The following LMO7 variants were observed in gnomAD, a reference collection of about 807,000 sequenced individuals.
LMO7 encodes the protein LIM domain only protein 7.
In LMO7, 120 loss-of-function variants were observed where a neutral mutation model predicts 206.5. The observed-to-expected ratio is 0.58, with a 90% CI of 0.50 to 0.68. The LOEUF is 0.68. Among genes scored for constraint, LMO7 ranks in the 30% least tolerant of loss-of-function variants. LMO7 has a pLI of 0.00. For synonymous variants in LMO7, 706 were observed against 681.5 expected (o/e 1.04, Z -0.56); for missense variants, 1,959 against 1,957.9 (o/e 1.00, Z -0.01).
intron 1 of LMO7, among the ~76,000 whole-genome samples, chr13:75,664,994 G>A (rs371500002): frequency 6.6e-6 from 1 of 152,112 alleles, no homozygotes; most frequent in East Asian, 1.9e-4. Flanking sequence ...AGCCTTAAAG[G>A]TGGTAAAAAT....
intron 22 of LMO7, 137 bp from the exon 23 acceptor site, chr13:75,840,972 G>T (rs2059516027): frequency 1.6e-6 from 1 of 621,892 alleles, no homozygotes; most frequent in Non-Finnish European, 2.8e-6. Context: ...ACTAAAATCT[G>T]ATTGGCTTAT....
At chr13:75,681,710 A>ATATATATT (rs1566304681) in intron 1 of LMO7, among the ~76,000 whole-genome samples, 1 of 107,080 alleles carries the variant, frequency 9.3e-6, no homozygotes, top group East Asian at 2.2e-4. Flanking sequence ...GTATGTGTAT[A>ATATATATT]TATATATGTA....
chr13:75,777,261 T>G (rs1300364947), intron 4 of LMO7, among the ~76,000 whole-genome samples: 1 of 152,254 alleles, frequency 6.6e-6, no homozygotes, highest in African/African-American at 2.4e-5. Context: ...ATAGTTCGGA[T>G]TTAGGAATCT....
chr13:75,681,624 G>A (rs191803779), intron 1 of LMO7, among the ~76,000 whole-genome samples: 1 of 148,916 alleles, frequency 6.7e-6, no homozygotes, highest in Non-Finnish European at 1.5e-5. Flanking sequence ...CTCTGCCCTG[G>A]CAACCCCTGA....
intron 15 of LMO7, among the ~76,000 whole-genome samples, chr13:75,825,141 A>T (rs576500310): frequency 6.6e-6 from 1 of 152,190 alleles, no homozygotes; most frequent in East Asian, 1.9e-4. Flanking sequence ...CAGCTTGCTG[A>T]AATAATTAGT....
chr13:75,832,107 CAG>C (rs1401458535), intron 15 of LMO7, among the ~76,000 whole-genome samples: 1 of 152,090 alleles, frequency 6.6e-6, no homozygotes, highest in African/African-American at 2.4e-5. Context: ...GATTAGGAAA[CAG>C]AGCTGAAACA....
chr13:75,851,030 A>C (rs1050040185), intron 27 of LMO7, among the ~76,000 whole-genome samples: 6 of 152,314 alleles, frequency 3.9e-5, no homozygotes, highest in African/African-American at 1.2e-4. Flanking sequence ...CAAAGAGGAA[A>C]ATCTCGCACC....
At chr13:75,829,628 C>T (rs1042643386) in intron 15 of LMO7, among the ~76,000 whole-genome samples, 4 of 152,030 alleles carry the variant, frequency 2.6e-5, no homozygotes, top group South Asian at 2.1e-4. Context: ...AGTAGGCTTT[C>T]CTTAACACAT....
At chr13:75,829,087 G>A (rs1262290410) in intron 15 of LMO7, among the ~76,000 whole-genome samples, 1 of 152,154 alleles carries the variant, frequency 6.6e-6, no homozygotes, top group Non-Finnish European at 1.5e-5. Flanking sequence ...GTTGGACTTA[G>A]GCATCGGAGA....
chr13:75,729,759 T>G (rs1486399055), intron 3 of LMO7, among the ~76,000 whole-genome samples: 1 of 151,766 alleles, frequency 6.6e-6, no homozygotes, highest in Non-Finnish European at 1.5e-5. Context: ...ATATTGTCTG[T>G]GGGTTTGTCA....
chr13:75,773,139 A>G (rs997875364), intron 4 of LMO7, among the ~76,000 whole-genome samples: 9 of 152,286 alleles, frequency 5.9e-5, no homozygotes, highest in Middle Eastern at 3.4e-3. Context: ...GTCCAAATCA[A>G]ACATTTCACA....
chr13:75,845,329 A>G lies in LMO7; in HGVS notation c.4100A>G (p.Asn1367Ser). The change falls in exon 26 of 31, where the codon AAT (asparagine) becomes AGT (serine). Residue 1367 changes from asparagine (N) to serine (S), a missense_variant and splice_region_variant. By Grantham distance (46) the Asn-to-Ser change is conservative. Coordinates refer to ENST00000377534, the MANE Select transcript of LMO7 (RefSeq NM_001306080.2). ...ASSGFLPGDR[N>S]KSRSTTELDD... ...ATATATTGTGTTCTGTGTTTTAGGA[A>G]TAAATCCAGATCTACTACTGAACTG... 6.5e-7 allele frequency: 1 copy of G among 1,531,880 alleles called. No individual in the cohort carries two copies. 94.9% of individuals were successfully genotyped at this position (1,531,880 alleles called of 1,614,324 possible).
At chr13:75,660,364 C>T (rs1594116728) in intron 1 of LMO7, among the ~76,000 whole-genome samples, 1 of 152,114 alleles carries the variant, frequency 6.6e-6, no homozygotes, top group Non-Finnish European at 1.5e-5. Flanking sequence ...AATTCCTATC[C>T]AGGGGTATAT....
At chr13:75,793,332 G>A (rs905144460) in intron 4 of LMO7, among the ~76,000 whole-genome samples, 1 of 152,154 alleles carries the variant, frequency 6.6e-6, no homozygotes. Context: ...CTGGAATGCA[G>A]TGGCGCAATC....
At chr13:75,636,953 G>C (rs2035954430) in intron 1 of LMO7, among the ~76,000 whole-genome samples, 1 of 152,194 alleles carries the variant, frequency 6.6e-6, no homozygotes, top group Non-Finnish European at 1.5e-5. Context: ...GCCCCCCGAC[G>C]GTGTCACTGG....
intron 3 of LMO7, 92 bp from the exon 4 acceptor site, chr13:75,760,840 A>C (rs1432751488): frequency 4.5e-6 from 7 of 1,567,584 alleles, no homozygotes; most frequent in Non-Finnish European, 5.2e-6. Context: ...CTGTAATTGG[A>C]CTTTGAAGCT....
chr13:75,787,299 C>A (rs1417106438), intron 4 of LMO7, among the ~76,000 whole-genome samples: 2 of 152,144 alleles, frequency 1.3e-5, no homozygotes, highest in Non-Finnish European at 2.9e-5. Flanking sequence ...AGAAAAGAAG[C>A]ATTATAAGTC....
At chr13:75,642,239 G>A (rs1045300867) in intron 1 of LMO7, among the ~76,000 whole-genome samples, 2 of 152,142 alleles carry the variant, frequency 1.3e-5, no homozygotes. Flanking sequence ...CCAACGTACT[G>A]ATGCACTGAA....
At chr13:75,752,744 A>G (rs1012965238) in intron 3 of LMO7, among the ~76,000 whole-genome samples, 5 of 152,220 alleles carry the variant, frequency 3.3e-5, no homozygotes, top group African/African-American at 4.8e-5. Flanking sequence ...TTCCATTTGT[A>G]TTAGTGCAAA....
Sources: gnomAD v4.1 joint callset for allele counts (sites outside exome capture counted in the v4.1 genomes callset) on GRCh38, gnomAD v4.1.1 for gene constraint, MANE v1.5 for transcripts, NCBI Gene and HGNC (gene_info 2026-07-23, HGNC 2026-07-21) for gene names.